The following FRMPD2 variants were observed in gnomAD, a reference collection of about 807,000 sequenced individuals.
FRMPD2 encodes the protein FERM and PDZ domain containing 2.
In FRMPD2, 96 loss-of-function variants were observed where a neutral mutation model predicts 140.1. The observed-to-expected ratio is 0.69, with a 90% confidence interval of 0.58 to 0.81. The LOEUF (loss-of-function observed/expected upper bound fraction) is 0.81, where lower values mean the gene tolerates loss of function less well. Among genes scored for constraint, FRMPD2 ranks in the 40% least tolerant of loss-of-function variants. FRMPD2 has a pLI of 0.00. For synonymous variants in FRMPD2, 449 were observed against 547.6 expected, an observed-to-expected ratio of 0.82 and a Z score of 2.52; for missense variants, 1,240 against 1,447.4, an observed-to-expected ratio of 0.86 and a Z score of 2.32.
At chr10:48,186,070 G>A (rs889816996) in intron 17 of FRMPD2, among the ~76,000 whole-genome samples, 1 of 152,174 alleles carries the variant, frequency 6.6e-6, no homozygotes, top group African/African-American at 2.4e-5. Flanking sequence ...CCCATCCCAG[G>A]CCTCAAATAA....
intron 10 of FRMPD2, 119 bp from the exon 11 acceptor site, chr10:48,223,389 G>T: frequency 1.1e-6 from 1 of 938,102 alleles, no homozygotes. Context: ...GTGCAGGAGT[G>T]GGAGGTAAGT....
chr10:48,216,111 G>T (rs147724552), intron 12 of FRMPD2, among the ~76,000 whole-genome samples: 1 of 152,260 alleles, frequency 6.6e-6, no homozygotes, highest in East Asian at 1.9e-4. Context: ...GACTGGAACT[G>T]CACCATTGGC....
At chr10:48,228,675 C>G (rs1273653849) in intron 10 of FRMPD2, among the ~76,000 whole-genome samples, 2 of 151,710 alleles carry the variant, frequency 1.3e-5, no homozygotes, top group Non-Finnish European at 2.9e-5. Context: ...TTAAAGTTAC[C>G]AAGAGTTTTA....
intron 15 of FRMPD2, among the ~76,000 whole-genome samples, chr10:48,196,671 G>T (rs956252067): frequency 4.6e-5 from 7 of 152,198 alleles, no homozygotes; most frequent in African/African-American, 1.7e-4. Context: ...CCATCAGCTG[G>T]AGGCGGTCAG....
At chr10:48,254,231 C>A (rs1840445708) in intron 1 of FRMPD2, among the ~76,000 whole-genome samples, 1 of 152,326 alleles carries the variant, frequency 6.6e-6, no homozygotes, top group Middle Eastern at 3.4e-3. Flanking sequence ...CTGAAGAGTG[C>A]AGGAAGCCTG....
chr10:48,193,675 C>A (rs769623504), intron 15 of FRMPD2, among the ~76,000 whole-genome samples: 1 of 152,154 alleles, frequency 6.6e-6, no homozygotes, highest in African/African-American at 2.4e-5. Flanking sequence ...TGACCATCTG[C>A]GCCTTGCTAA....
rs1392508158 is a variant in FRMPD2, at chr10:48,242,069, T to G, written c.567+92A>C. On this transcript the variant is annotated intron_variant, in intron 5 of 28. Coordinates refer to ENST00000374201, the MANE Select transcript of FRMPD2 (RefSeq NM_001018071.4). ...TGACTGATTAATTTAATTTTTTATT[T>G]TATTTTAGTTAATGATAATATAACT... 3 of 916,374 alleles carry G rather than the reference T, an allele frequency of 3.3e-6. No homozygotes were observed. The African/African-American group carries it at 5.0e-5, about 15-fold the overall frequency. The allele number at this position is 916,374 out of a possible 1,614,324, so 56.8% of individuals were successfully genotyped here. A position where few individuals can be genotyped will look rare whatever the true frequency, so the allele number is the denominator to read the frequency against.
intron 9 of FRMPD2, among the ~76,000 whole-genome samples, chr10:48,234,741 G>T (rs1035174502): frequency 1.3e-5 from 2 of 152,100 alleles, no homozygotes; most frequent in Non-Finnish European, 2.9e-5. Flanking sequence ...TAGAGGCAAG[G>T]GTCCAAGGTC....
chr10:48,156,887 GC>G lies in FRMPD2; in HGVS notation c.*434del, dbSNP rs1243687709. ...ACGTAAATTACATAATTCTGACACA[GC>G]CCCCCCAACTCTGGGTTCCTGGTAT... is the stretch of plus-strand genomic sequence containing the variant. On this transcript the variant is annotated 3_prime_UTR_variant, in exon 29 of 29. Transcript: ENST00000374201. The G allele has an allele frequency of 9.7e-6, 2 of 205,486 alleles. No individual in the cohort carries two copies. Among genetic ancestry groups the G allele is most frequent in the Non-Finnish European group, 2.0e-5 (2 of 101,622 alleles). The allele number at this position is 205,486 out of a possible 1,614,324, so 12.7% of individuals were successfully genotyped here.
At chr10:48,249,202 C>T (rs1840322279) in intron 2 of FRMPD2, 24 bp from the exon 3 acceptor site, 1 of 1,608,532 alleles carries the variant, frequency 6.2e-7, no homozygotes, top group Non-Finnish European at 8.5e-7. Context: ...AGTGATGGGG[C>T]TGTAGAGACA....
At chr10:48,210,882 G>A (rs1403131948) in intron 13 of FRMPD2, among the ~76,000 whole-genome samples, 1 of 152,230 alleles carries the variant, frequency 6.6e-6, no homozygotes, top group Non-Finnish European at 1.5e-5. Context: ...TCTGTACAGG[G>A]AAATACACAA....
chr10:48,199,189 T>C (rs181372687), intron 15 of FRMPD2, among the ~76,000 whole-genome samples: 11 of 150,846 alleles, frequency 7.3e-5, no homozygotes, highest in Non-Finnish European at 1.2e-4. Context: ...CAGCATCACA[T>C]AATATTCCCA....
chr10:48,232,914 A>T (rs1224313631), intron 9 of FRMPD2, among the ~76,000 whole-genome samples: 2 of 152,040 alleles, frequency 1.3e-5, no homozygotes, highest in Non-Finnish European at 2.9e-5. Flanking sequence ...AGCCTCCTGG[A>T]TAGTTCATCA....
intron 1 of FRMPD2, 86 bp downstream of exon 1, chr10:48,274,457 T>C (rs1840819953): frequency 1.7e-6 from 2 of 1,200,420 alleles, no homozygotes; most frequent in Non-Finnish European, 2.5e-6. Flanking sequence ...TGTGTTCTTC[T>C]TATTCCGGAT....
Position 48,178,092 on chromosome 10 carries a change from A to G in FRMPD2, c.2850T>C (p.Phe950=). 1 of 1,604,976 alleles carries G rather than the reference A, an allele frequency of 6.2e-7. No homozygotes were observed. Reference sequence around the variant, plus strand: ...TCCCATCTTCTTTAACCAGTTCCACAAAGTAGATTTCACCAGCACTGATTT... The same window carrying G: ...TCCCATCTTCTTTAACCAGTTCCACGAAGTAGATTTCACCAGCACTGATTT... ...PPEISAGEIY[F]VELVKEDGTL... The change falls in exon 22 of 29, where the codon TTT becomes TTC. Residue 950 remains phenylalanine (F), a synonymous_variant. Transcript: ENST00000374201.
chr10:48,176,159 G>T (rs1386306608), intron 22 of FRMPD2: 1 of 489,416 alleles, frequency 2.0e-6, no homozygotes, highest in Non-Finnish European at 3.8e-6. Flanking sequence ...CTATGTGAGA[G>T]ATCTGGGCAT....
In FRMPD2 at chr10:48,185,612, G is replaced by T. The variant is rs1395874091; in HGVS notation, c.2300C>A (p.Ala767Asp). ...ACGTACAATTTCTCGGCCCGGTTCAGCTATAAAGCTCTTCCTCCTATTATT... is the reference window on the plus strand; with the variant it reads ...ACGTACAATTTCTCGGCCCGGTTCATCTATAAAGCTCTTCCTCCTATTATT... ...SKNNRRKSFIAEPGREIVRVT... is the reference protein window; with the variant it reads ...SKNNRRKSFIDEPGREIVRVT... Residue 767 changes from alanine (A) to aspartate (D), a missense_variant, in exon 18 of 29, where the codon GCT becomes GAT. By Grantham distance (126) the Ala-to-Asp change is moderately radical (BLOSUM62 -2). Around this residue, in one of 6 missense-constraint regions of FRMPD2, gnomAD observed 1,161 missense variants for 1,055.9 expected, o/e 1.10. Transcript: ENST00000374201. The T allele has an allele frequency of 1.2e-6, 2 of 1,614,052 alleles. No homozygotes were observed. Among genetic ancestry groups the T allele is most frequent in the Non-Finnish European group, 8.5e-7 (1 of 1,179,924 alleles).
rs148089132 is a variant in FRMPD2 at position 48,223,521 on chromosome 10, A to G, written c.1169-251T>C. The stretch of plus-strand genomic sequence containing the variant: ...CCAAGAGGAGAAAATACCGTTAGTT[A>G]TCTTATCTTACAAGATGTCGCTTAA... On this transcript the variant is annotated intron_variant, in intron 10 of 28. Coordinates refer to ENST00000374201, the MANE Select transcript of FRMPD2 (RefSeq NM_001018071.4). 2.1e-4 allele frequency among the ~76,000 whole-genome samples: 32 copies of G among 152,340 alleles called. No homozygotes were observed. In the East Asian group the frequency reaches 6.2e-3, roughly 29 times the overall value.
At chr10:48,202,470 A>G (rs1208890123) in intron 14 of FRMPD2, among the ~76,000 whole-genome samples, 2 of 152,186 alleles carry the variant, frequency 1.3e-5, no homozygotes, top group African/African-American at 4.8e-5. Flanking sequence ...AATTTTAGAT[A>G]AGTTTCTCAT....
Sources: gnomAD v4.1 joint callset for allele counts (sites outside exome capture counted in the v4.1 genomes callset) on GRCh38, gnomAD v4.1.1 for gene constraint, gnomAD v4.1.1 regional missense constraint, MANE v1.5 for transcripts, NCBI Gene and HGNC (gene_info 2026-07-23, HGNC 2026-07-21) for gene names.